The following CSMD1 variants were observed in gnomAD, a reference collection of about 807,000 sequenced individuals.
CSMD1 encodes CUB and sushi domain-containing protein 1.
CSMD1 carries 213 observed loss-of-function variants against 417.5 expected under a neutral mutation model. That is an observed-to-expected ratio of 0.51 (90% CI 0.46 to 0.57). The LOEUF (loss-of-function observed/expected upper bound fraction) is 0.57. Among genes scored for constraint, CSMD1 ranks in the 20% least tolerant of loss-of-function variants. The pLI is 0.00. For synonymous variants in CSMD1, 2,862 were observed against 1,736.8 expected (o/e 1.65, Z -16.11); for missense variants, 6,923 against 4,529.7 (o/e 1.53, Z -15.17).
chr8:3,105,989 A>C (rs1260703659), intron 46 of CSMD1, among the ~76,000 whole-genome samples: 1 of 152,184 alleles, frequency 6.6e-6, no homozygotes, highest in African/African-American at 2.4e-5. Context: ...ATGATTTCTT[A>C]TTTGATATGG....
intron 44 of CSMD1, 151 bp downstream of exon 44, chr8:3,108,452 C>A: frequency 1.5e-6 from 1 of 670,346 alleles, no homozygotes. Context: ...AAAAAAAGGA[C>A]CACAGGAAAC....
At chr8:4,017,941 C>G (rs897739782) in intron 4 of CSMD1, among the ~76,000 whole-genome samples, 2 of 152,142 alleles carry the variant, frequency 1.3e-5, no homozygotes, top group Non-Finnish European at 2.9e-5. Flanking sequence ...GCTGGTTGCA[C>G]ACAATGGGCA....
At chr8:4,448,028 G>T (rs118090089) in intron 2 of CSMD1, among the ~76,000 whole-genome samples, 152 of 152,256 alleles carry the variant, frequency 1.0e-3, no homozygotes, top group Non-Finnish European at 1.8e-3. Flanking sequence ...AAACTAAAGT[G>T]GTTCCGCATG....
Position 3,439,867 on chromosome 8 carries a change from G to A in CSMD1, c.1561+28845C>T, listed in dbSNP as rs956217096. On this transcript the variant is annotated intron_variant, in intron 12 of 69. Transcript: ENST00000635120. ...AGATTCACATGGAGGCACATTTTTG[G>A]CCTATGTATGTCCAGTTGTCCTGGA... Among the ~76,000 whole-genome samples the A allele has an allele frequency of 3.3e-5, 5 of 151,982 alleles. No individual in the cohort carries two copies. In the East Asian group the frequency reaches 7.7e-4, roughly 23 times the overall value.
intron 26 of CSMD1, among the ~76,000 whole-genome samples, chr8:3,281,630 A>T (rs111337278): frequency 6.6e-6 from 1 of 152,224 alleles, no homozygotes; most frequent in African/African-American, 2.4e-5. Context: ...AGGAAAAGAC[A>T]AAACTATGGA....
intron 3 of CSMD1, among the ~76,000 whole-genome samples, chr8:4,262,457 G>T (rs1285288379): frequency 6.6e-6 from 1 of 152,202 alleles, no homozygotes; most frequent in Non-Finnish European, 1.5e-5. Context: ...CGCAGTGCAG[G>T]CAAAGACAGA....
chr8:4,398,087 G>A (rs1804380927), intron 3 of CSMD1, among the ~76,000 whole-genome samples: 2 of 152,254 alleles, frequency 1.3e-5, no homozygotes, highest in African/African-American at 2.4e-5. Context: ...ATCAGTCAAG[G>A]AAGAGATATG....
intron 3 of CSMD1, among the ~76,000 whole-genome samples, chr8:4,083,572 C>CA (rs1800258221): frequency 6.6e-6 from 1 of 151,990 alleles, no homozygotes; most frequent in Non-Finnish European, 1.5e-5. Flanking sequence ...ACAAACCTGA[C>CA]AAAAAGAAGA....
intron 52 of CSMD1, among the ~76,000 whole-genome samples, chr8:3,001,609 G>A (rs1005148056): frequency 1.3e-5 from 2 of 152,078 alleles, no homozygotes; most frequent in African/African-American, 4.8e-5. Context: ...GAATATATTA[G>A]AAAAACAATT....
chr8:4,814,056 G>A (rs1275945349), intron 1 of CSMD1, among the ~76,000 whole-genome samples: 1 of 152,166 alleles, frequency 6.6e-6, no homozygotes, highest in Non-Finnish European at 1.5e-5. Flanking sequence ...GTACAGTTTT[G>A]ATGGCAATAA....
intron 37 of CSMD1, 58 bp from the exon 38 acceptor site, chr8:3,162,335 T>C: frequency 8.9e-7 from 1 of 1,121,872 alleles, no homozygotes; most frequent in African/African-American, 1.5e-5. Flanking sequence ...TTCTTATCAT[T>C]TGAATAACCA....
At chr8:4,011,124 G>A (rs1369832141) in intron 4 of CSMD1, among the ~76,000 whole-genome samples, 1 of 151,842 alleles carries the variant, frequency 6.6e-6, no homozygotes, top group African/African-American at 2.4e-5. Flanking sequence ...GATAAATTAT[G>A]TAATCTATAA....
intron 42 of CSMD1, among the ~76,000 whole-genome samples, chr8:3,115,712 C>T (rs887190046): frequency 6.6e-6 from 1 of 152,214 alleles, no homozygotes; most frequent in African/African-American, 2.4e-5. Flanking sequence ...TGCAGCTTAA[C>T]ATGTATTTTC....
intron 7 of CSMD1, chr8:3,702,212 G>A (rs561460987): frequency 1.3e-5 from 2 of 152,094 alleles, no homozygotes; most frequent in African/African-American, 4.8e-5. Context: ...CATCCTGCAT[G>A]GCTACAAAGT....
chr8:4,585,027 T>C (rs763263604), intron 2 of CSMD1, among the ~76,000 whole-genome samples: 7 of 150,136 alleles, frequency 4.7e-5, no homozygotes, highest in South Asian at 2.1e-4. Flanking sequence ...CAATTTTTCA[T>C]ACAAAAGATT....
intron 49 of CSMD1, among the ~76,000 whole-genome samples, chr8:3,064,853 G>A (rs1300666921): frequency 1.3e-5 from 2 of 152,156 alleles, no homozygotes; most frequent in Non-Finnish European, 2.9e-5. Context: ...TTAAAGACAA[G>A]TTAGGGGCTT....
At chr8:4,283,322 T>C (rs1585154970) in intron 3 of CSMD1, among the ~76,000 whole-genome samples, 1 of 152,188 alleles carries the variant, frequency 6.6e-6, no homozygotes, top group Non-Finnish European at 1.5e-5. Flanking sequence ...GTAGCTTCAG[T>C]TCTCCTTCAC....
At chr8:3,326,856 G>T (rs1485761486) in intron 23 of CSMD1, among the ~76,000 whole-genome samples, 1 of 152,106 alleles carries the variant, frequency 6.6e-6, no homozygotes, top group Non-Finnish European at 1.5e-5. Context: ...CTTACAAGGT[G>T]TAAGTTTATA....
intron 23 of CSMD1, 29 bp downstream of exon 23, chr8:3,343,265 A>T (rs1443223847): frequency 1.3e-6 from 2 of 1,597,422 alleles, no homozygotes; most frequent in Non-Finnish European, 1.7e-6. Context: ...AAATGAAAAA[A>T]GAACGTGATT....
Sources: gnomAD v4.1 joint callset for allele counts (sites outside exome capture counted in the v4.1 genomes callset) on GRCh38, gnomAD v4.1.1 for gene constraint, MANE v1.5 for transcripts, NCBI Gene and HGNC (gene_info 2026-07-23, HGNC 2026-07-21) for gene names.